Variants in RABGEF1 observed in about 807,000 individuals in gnomAD.
RABGEF1 encodes the protein RAB guanine nucleotide exchange factor 1.
RABGEF1 carries 26 observed loss-of-function variants against 57.3 expected under a neutral mutation model. The ratio of observed to expected loss-of-function variants is 0.45; its 90% confidence interval spans 0.33 to 0.63. RABGEF1 has a LOEUF of 0.63. Among genes scored for constraint, RABGEF1 ranks in the 20% least tolerant of loss-of-function variants. The probability of loss-of-function intolerance (pLI) is 0.02; values close to 1 mark genes in which losing one functional copy is unlikely to be tolerated. For missense variants in RABGEF1, 464 were observed against 607.6 expected (o/e 0.76, Z 2.48); for synonymous variants, 185 against 210.7 (o/e 0.88, Z 1.06).
chr7:66,699,317 G>C (rs562683456), intron 1 of RABGEF1, among the ~76,000 whole-genome samples: 1 of 152,314 alleles, frequency 6.6e-6, no homozygotes, highest in African/African-American at 2.4e-5. Context: ...GACTGGATTT[G>C]AATCCTGTCT....
At chr7:66,802,005 G>C (rs542463634) in intron 7 of RABGEF1, among the ~76,000 whole-genome samples, 1 of 152,176 alleles carries the variant, frequency 6.6e-6, no homozygotes, top group Admixed American at 6.5e-5. Flanking sequence ...GACCTCACAG[G>C]CTCAAGCGAT....
intron 1 of RABGEF1, among the ~76,000 whole-genome samples, chr7:66,702,347 T>TTGTG (rs58655312): frequency 0.042 from 6,053 of 143,906 alleles, 154 homozygotes; most frequent in South Asian, 0.058. Flanking sequence ...ATTGTTTTGT[T>TTGTG]TGTGTGTGTG....
chr7:66,704,644 A>G (rs1020849865), intron 1 of RABGEF1, among the ~76,000 whole-genome samples: 1 of 152,004 alleles, frequency 6.6e-6, no homozygotes. Flanking sequence ...CCCCATCTCT[A>G]CTAAAAATAC....
At chr7:66,804,577 A>G (rs1324355262) in intron 7 of RABGEF1, among the ~76,000 whole-genome samples, 1 of 152,122 alleles carries the variant, frequency 6.6e-6, no homozygotes, top group African/African-American at 2.4e-5. Flanking sequence ...TCTACTAAAA[A>G]TACAAAAAGT....
chr7:66,683,015 C>A (rs1790023774), intron 1 of RABGEF1, among the ~76,000 whole-genome samples: 1 of 152,142 alleles, frequency 6.6e-6, no homozygotes, highest in South Asian at 2.1e-4. Flanking sequence ...CGTGGGCGTC[C>A]GTGGGCTCGT....
Position 66,727,028 on chromosome 7 carries a change from T to A in RABGEF1, c.-814-12968T>A, listed in dbSNP as rs766847409. ...CAAAAAATAATAAAATAAAATATAA[T>A]ATGGACTGTGGAAATGATTGCACAA... On this transcript the variant is annotated intron_variant and NMD_transcript_variant, in intron 2 of 9. Coordinates refer to the RABGEF1 transcript ENST00000607882. 2.0e-5 allele frequency among the ~76,000 whole-genome samples: 3 copies of A among 152,148 alleles called. No individual in the cohort carries two copies. In the South Asian group the frequency reaches 6.2e-4, roughly 32 times the overall value.
intron 5 of RABGEF1, chr7:66,796,880 C>T (rs1304447295): frequency 6.7e-6 from 3 of 445,586 alleles, no homozygotes; most frequent in Non-Finnish European, 8.9e-6. Flanking sequence ...AGTAGAGCCA[C>T]CGCACCCAGC....
the RABGEF1 span, among the ~76,000 whole-genome samples, chr7:66,661,870 A>G: frequency 6.6e-6 from 1 of 152,230 alleles, no homozygotes; most frequent in Non-Finnish European, 1.5e-5. Context: ...TTCTTAAGAA[A>G]ACACTGCCAA....
intron 4 of RABGEF1, 99 bp from the exon 5 acceptor site, chr7:66,795,412 A>G (rs1240306140): frequency 2.1e-6 from 2 of 935,452 alleles, no homozygotes; most frequent in African/African-American, 3.2e-5. Context: ...TAGGCTTACT[A>G]CCAGTACAAG....
chr7:66,656,244 G>A, the RABGEF1 span, among the ~76,000 whole-genome samples: 25 of 152,084 alleles, frequency 1.6e-4, no homozygotes, highest in Admixed American at 4.6e-4. Context: ...AGCCTCCCAA[G>A]TTGCTGAGAC....
intron 1 of RABGEF1, among the ~76,000 whole-genome samples, chr7:66,767,111 T>G (rs1805947069): frequency 1.3e-5 from 2 of 151,866 alleles, no homozygotes; most frequent in Non-Finnish European, 2.9e-5. Flanking sequence ...CATGCGATTC[T>G]TGTGTCTCAG....
In RABGEF1 at chr7:66,797,423, C is replaced by T. The variant is rs74983078; in HGVS notation, c.645C>T (p.Ile215=). ...TAATGGATCAGATTGAAAAGTACAT[C>T]ATGACTCGTCTCTATAAATATGTAT... The part of the protein sequence containing the change: ...EKIMDQIEKY[I]MTRLYKYVFC... The change falls in exon 6 of 9, where the codon ATC becomes ATT. Residue 215 remains isoleucine, a synonymous_variant. Transcript: ENST00000284957. 1 of 1,611,210 alleles carries T rather than the reference C, an allele frequency of 6.2e-7. No individual in the cohort carries two copies. Among genetic ancestry groups the T allele is most frequent in the South Asian group, 1.1e-5 (1 of 90,852 alleles).
chr7:66,790,983 G>A (rs1011915235), intron 4 of RABGEF1, among the ~76,000 whole-genome samples: 1 of 152,202 alleles, frequency 6.6e-6, no homozygotes, highest in African/African-American at 2.4e-5. Context: ...TCTGCACTGT[G>A]TGTCTCTTGT....
chr7:66,676,539 G>A, the RABGEF1 span, among the ~76,000 whole-genome samples: 8 of 152,122 alleles, frequency 5.3e-5, no homozygotes, highest in Non-Finnish European at 7.3e-5. Flanking sequence ...TACGCAGTTC[G>A]GACCTGTGTT....
chr7:66,679,836 C>T (rs1789571040), upstream of RABGEF1, among the ~76,000 whole-genome samples: 2 of 152,082 alleles, frequency 1.3e-5, no homozygotes. Flanking sequence ...TCGAGACCAG[C>T]CAGGGCGACA....
chr7:66,718,025 T>C (rs533788796), intron 2 of RABGEF1, among the ~76,000 whole-genome samples: 1 of 152,278 alleles, frequency 6.6e-6, no homozygotes, highest in Non-Finnish European at 1.5e-5. Flanking sequence ...GTTTCTATCA[T>C]TCCATTCATT....
chr7:66,703,330 T>C (rs1363725729), intron 1 of RABGEF1, among the ~76,000 whole-genome samples: 1 of 152,210 alleles, frequency 6.6e-6, no homozygotes, highest in Non-Finnish European at 1.5e-5. Flanking sequence ...TTTTGTTGCT[T>C]GTACTTTTGG....
intron 1 of RABGEF1, among the ~76,000 whole-genome samples, chr7:66,753,561 G>T (rs982358094): frequency 6.6e-6 from 1 of 152,084 alleles, no homozygotes; most frequent in African/African-American, 2.4e-5. Context: ...TTGGGCCAGG[G>T]TCTCTCTGCA....
intron 1 of RABGEF1, among the ~76,000 whole-genome samples, chr7:66,759,905 C>A (rs1803830138): frequency 6.6e-6 from 1 of 152,202 alleles, no homozygotes; most frequent in African/African-American, 2.4e-5. Flanking sequence ...TAAAACTGAT[C>A]ACCGTTACAG....
Sources: gnomAD v4.1 joint callset for allele counts (sites outside exome capture counted in the v4.1 genomes callset) on GRCh38, gnomAD v4.1.1 for gene constraint, MANE v1.5 for transcripts, NCBI Gene and HGNC (gene_info 2026-07-23, HGNC 2026-07-21) for gene names.